The following DOCK4 variants were observed in gnomAD, a reference collection of about 807,000 sequenced individuals.
DOCK4 encodes dedicator of cytokinesis 4.
Under a neutral mutation model 268.1 loss-of-function variants are expected in DOCK4, and 97 were observed. That is an observed-to-expected ratio of 0.36 (90% CI 0.31 to 0.43). The LOEUF (loss-of-function observed/expected upper bound fraction) is 0.43. Among genes scored for constraint, DOCK4 ranks in the 20% least tolerant of loss-of-function variants. The pLI, the probability that DOCK4 is intolerant of heterozygous loss-of-function variation, is 1.00. For missense variants in DOCK4, 2,145 were observed against 2,455.7 expected (o/e 0.87, Z 2.67); for synonymous variants, 954 against 887.2 (o/e 1.08, Z -1.34).
intron 1 of DOCK4, among the ~76,000 whole-genome samples, chr7:112,079,206 TATACAA>T (rs1808364187): frequency 6.6e-6 from 1 of 152,122 alleles, no homozygotes; most frequent in African/African-American, 2.4e-5. Flanking sequence ...TTCTAAAAGT[TATACAA>T]ATACAAGTGA....
chr7:111,829,147 A>C (rs1586111692), intron 26 of DOCK4, among the ~76,000 whole-genome samples: 1 of 152,302 alleles, frequency 6.6e-6, no homozygotes, highest in East Asian at 1.9e-4. Context: ...CTAAATGTAC[A>C]TACAAAACCC....
At chr7:112,049,941 T>A (rs952685833) in intron 1 of DOCK4, among the ~76,000 whole-genome samples, 2 of 152,176 alleles carry the variant, frequency 1.3e-5, no homozygotes, top group African/African-American at 4.8e-5. Context: ...ACTACTGATT[T>A]TGTGACCCAG....
At chr7:111,963,930 C>CT (rs1797162231) in intron 8 of DOCK4, among the ~76,000 whole-genome samples, 1 of 72,640 alleles carries the variant, frequency 1.4e-5, no homozygotes, top group Non-Finnish European at 2.5e-5. Flanking sequence ...CTGGGAGGCA[C>CT]CCCCCAGCAG....
intron 1 of DOCK4, among the ~76,000 whole-genome samples, chr7:112,010,648 T>C (rs1394472849): frequency 6.6e-6 from 1 of 152,204 alleles, no homozygotes; most frequent in African/African-American, 2.4e-5. Context: ...CCCACAGGCC[T>C]CACACACCTT....
At chr7:112,173,914 G>A (rs1475932499) in intron 1 of DOCK4, among the ~76,000 whole-genome samples, 1 of 152,128 alleles carries the variant, frequency 6.6e-6, no homozygotes, top group Admixed American at 6.6e-5. Flanking sequence ...GACAGGACCT[G>A]GACCAGCAGA....
At position 111,857,661 on chromosome 7, in the gene DOCK4, G is replaced by A. The variant is rs146257023; in HGVS notation, c.2473+5711C>T. Among the ~76,000 whole-genome samples, 97 of 152,180 alleles carry A rather than the reference G, an allele frequency of 6.4e-4. 2 individuals carry two copies. In the East Asian group the frequency reaches 0.014, roughly 22 times the overall value. On this transcript the variant is annotated intron_variant, in intron 23 of 52. Coordinates refer to ENST00000428084, the MANE Select transcript of DOCK4 (RefSeq NM_001363540.2). ...CAAGTACCAAGCAATGGTGACAAACGCAAAGTGAATGTAAAACCCACAGCT... is the reference window on the plus strand; with the variant it reads ...CAAGTACCAAGCAATGGTGACAAACACAAAGTGAATGTAAAACCCACAGCT...
intron 9 of DOCK4, 87 bp from the exon 10 acceptor site, chr7:111,944,958 A>C (rs377134350): frequency 3.9e-6 from 4 of 1,033,780 alleles, no homozygotes; most frequent in South Asian, 1.3e-5. Flanking sequence ...TAAAAGAAGA[A>C]AGAGATGGAC....
At chr7:111,843,950 G>C (rs1048343664) in intron 25 of DOCK4, among the ~76,000 whole-genome samples, 2 of 152,084 alleles carry the variant, frequency 1.3e-5, no homozygotes, top group African/African-American at 2.4e-5. Context: ...GTTTTTAATT[G>C]CAGAAAGCCA....
chr7:111,739,139 A>G lies in DOCK4; in HGVS notation c.5227T>C (p.Ser1743Pro). ...SAIYPTPVEP[S>P]QRMLFNHIGD... Reference sequence around the variant, plus strand: ...CTCTACCCTACAAGGAGTACCTGCGAAGGCTCCACAGGTGTTGGATAGATG... The same window carrying G: ...CTCTACCCTACAAGGAGTACCTGCGGAGGCTCCACAGGTGTTGGATAGATG... The change falls in exon 49 of 53, where the codon TCG becomes CCG. Residue 1743 changes from serine to proline, a missense_variant. Physicochemically the swap from Ser to Pro is moderately conservative, Grantham distance 74. Transcript: ENST00000428084. 6.2e-7 allele frequency: 1 copy of G among 1,611,460 alleles called. No individual in the cohort carries two copies. Among genetic ancestry groups the G allele is most frequent in the Non-Finnish European group, 8.5e-7 (1 of 1,177,608 alleles).
At chr7:111,839,568 A>G in intron 25 of DOCK4, among the ~76,000 whole-genome samples, 1 of 152,224 alleles carries the variant, frequency 6.6e-6, no homozygotes, top group East Asian at 1.9e-4. Context: ...GTTTGAATCC[A>G]GATTTATGAT....
intron 30 of DOCK4, among the ~76,000 whole-genome samples, chr7:111,791,057 C>CA (rs1167180937): frequency 0.012 from 722 of 62,734 alleles, 12 homozygotes; most frequent in African/African-American, 0.04. Flanking sequence ...GACTCTGTCT[C>CA]AAAAAAAAAA....
intron 7 of DOCK4, among the ~76,000 whole-genome samples, chr7:111,983,854 G>GCACACACACACACACACACACACACA (rs57739762): frequency 5.7e-5 from 5 of 88,034 alleles, no homozygotes; most frequent in African/African-American, 2.0e-4. Context: ...ACGCGCGCGC[G>GCACACACACACACACACACACACACA]CGCGCGCGCA....
rs767247119 is a variant in DOCK4, at chr7:111,868,137, A to C, written c.2127T>G (p.Phe709Leu). The C allele has an allele frequency of 6.3e-7, 1 of 1,591,570 alleles. No individual in the cohort carries two copies. Among genetic ancestry groups the C allele is most frequent in the Admixed American group, 1.9e-5 (1 of 53,606 alleles). Residue 709 changes from phenylalanine (F) to leucine (L), a missense_variant, in exon 22 of 53, where the codon TTT becomes TTG. By Grantham distance (22) the Phe-to-Leu change is conservative (BLOSUM62 0). Coordinates refer to ENST00000428084, the MANE Select transcript of DOCK4 (RefSeq NM_001363540.2). ...GCCTTCGAGATTGAACTATATACTTAAAAATGTATTCTTGTGCCTTAAAAA... is the reference window on the plus strand; with the variant it reads ...GCCTTCGAGATTGAACTATATACTTCAAAATGTATTCTTGTGCCTTAAAAA... ...QEVLKAQEYI[F>L]KYIVQSRRLF... is the part of the protein sequence containing the mutation.
chr7:111,927,134 T>C (rs1450399295), intron 12 of DOCK4, among the ~76,000 whole-genome samples: 1 of 152,206 alleles, frequency 6.6e-6, no homozygotes, highest in African/African-American at 2.4e-5. Flanking sequence ...CTGAAGATCA[T>C]CTTCCTGAGA....
At position 111,989,004 on chromosome 7, in the gene DOCK4, T is replaced by C; in HGVS notation, c.464+11A>G. ...CCTACTAGAGGCCGCCCTGTGATGCTCAATACTCACTCATTGCCCCAGTCA... is the reference window on the plus strand; with the variant it reads ...CCTACTAGAGGCCGCCCTGTGATGCCCAATACTCACTCATTGCCCCAGTCA... On this transcript the variant is annotated intron_variant, in intron 6 of 52. Transcript: ENST00000428084. 6.2e-7 allele frequency: 1 copy of C among 1,604,644 alleles called. No individual in the cohort carries two copies. The highest frequency in any genetic ancestry group is 8.5e-7 in the Non-Finnish European group (1 of 1,175,198).
chr7:111,965,399 T>C (rs953418031), intron 8 of DOCK4, among the ~76,000 whole-genome samples: 2 of 35,276 alleles, frequency 5.7e-5, no homozygotes, highest in Non-Finnish European at 9.0e-5. Flanking sequence ...AGGCAGGGGT[T>C]GCAATCCTAG....
At chr7:111,840,821 C>T in intron 25 of DOCK4, 1 of 1,347,914 alleles carries the variant, frequency 7.4e-7, no homozygotes, top group Non-Finnish European at 9.8e-7. Flanking sequence ...TGAAAAGGTG[C>T]TCAATGTAGT....
chr7:111,783,014 G>GAA, intron 34 of DOCK4, 90 bp from the exon 35 acceptor site: 19 of 412,724 alleles, frequency 4.6e-5, no homozygotes, highest in South Asian at 3.6e-4. Flanking sequence ...AAGAAAGAAA[G>GAA]AAAGAAAAAA....
intron 5 of DOCK4, among the ~76,000 whole-genome samples, chr7:111,993,578 T>C (rs951461075): frequency 5.9e-5 from 9 of 152,190 alleles, no homozygotes; most frequent in Non-Finnish European, 4.4e-5. Flanking sequence ...AAGAAGATAC[T>C]GCATCAAAGA....
Sources: gnomAD v4.1 joint callset for allele counts (sites outside exome capture counted in the v4.1 genomes callset) on GRCh38, gnomAD v4.1.1 for gene constraint, MANE v1.5 for transcripts, NCBI Gene and HGNC (gene_info 2026-07-23, HGNC 2026-07-21) for gene names.